The following SLC7A1 variants were observed in gnomAD, a reference collection of about 807,000 sequenced individuals.
The protein encoded by SLC7A1 is high affinity cationic amino acid transporter 1.
A neutral mutation model predicts 53.9 loss-of-function variants in SLC7A1; 10 were observed. That is an observed-to-expected ratio of 0.19 (90% CI 0.11 to 0.31). The LOEUF is 0.31. Among genes scored for constraint, SLC7A1 ranks in the 10% least tolerant of loss-of-function variants. The probability of loss-of-function intolerance (pLI) is 1.00; values close to 1 mark genes in which losing one functional copy is unlikely to be tolerated. For synonymous variants in SLC7A1, 342 were observed against 338.7 expected (o/e 1.01, Z -0.11); for missense variants, 525 against 827.2 (o/e 0.63, Z 4.48).
rs182184911 is a variant in SLC7A1, at chr13:29,536,777, G to A, written c.-14-575C>T. On this transcript the variant is annotated intron_variant, in intron 2 of 12. Transcript: ENST00000380752. Reference sequence around the variant, plus strand: ...GGTAACACAGAGGTAGGTCGAAGCAGAAAAATGTTGAGTTATTACAAGTGA... The same window carrying A: ...GGTAACACAGAGGTAGGTCGAAGCAAAAAAATGTTGAGTTATTACAAGTGA... 8.5e-5 allele frequency among the ~76,000 whole-genome samples: 13 copies of A among 152,338 alleles called. No individual in the cohort carries two copies. In the East Asian group the frequency reaches 2.3e-3, roughly 27 times the overall value.
Position 29,539,381 on chromosome 13 carries a change from C to T in SLC7A1, c.-14-3179G>A, listed in dbSNP as rs1177632631. On this transcript the variant is annotated intron_variant, in intron 2 of 12. Coordinates refer to ENST00000380752, the MANE Select transcript of SLC7A1 (RefSeq NM_003045.5). ...CCATGGAGGTGCGCAGATGCAAAGC[C>T]TATGTGCACACATGCACGTATGTCA... Among the ~76,000 whole-genome samples the T allele has an allele frequency of 3.9e-5, 6 of 152,176 alleles. No individual in the cohort carries two copies. The South Asian group carries it at 8.3e-4, about 21-fold the overall frequency.
In SLC7A1 at chr13:29,509,520, G is replaced by C. The variant is rs1055709822; in HGVS notation, c.*4960C>G. The C allele has an allele frequency of 3.9e-5, 6 of 152,652 alleles. No individual in the cohort carries two copies. Among genetic ancestry groups the C allele is most frequent in the African/African-American group, 1.4e-4 (6 of 41,466 alleles). 9.5% of individuals were successfully genotyped at this position (152,652 alleles called of 1,614,324 possible). The stretch of plus-strand genomic sequence containing the variant: ...TGGTAGGAAGTGGTCAATGTACACA[G>C]TGTTGTCAGCAAAAAGGGGAGGCAG... On this transcript the variant is annotated 3_prime_UTR_variant, in exon 13 of 13. Coordinates refer to ENST00000380752, the MANE Select transcript of SLC7A1 (RefSeq NM_003045.5).
chr13:29,573,074 A>G (rs1325662527), intron 1 of SLC7A1, among the ~76,000 whole-genome samples: 6 of 152,218 alleles, frequency 3.9e-5, no homozygotes, highest in African/African-American at 4.8e-5. Context: ...AAACATGAAA[A>G]ATGTAAATGG....
chr13:29,559,999 G>A (rs1231302607), intron 1 of SLC7A1, among the ~76,000 whole-genome samples: 1 of 152,022 alleles, frequency 6.6e-6, no homozygotes. Context: ...ACAGGCGTGA[G>A]CCATTGCACC....
At position 29,516,401 on chromosome 13, in the gene SLC7A1, C is replaced by G. The variant is rs552016136; in HGVS notation, c.1678-155G>C. ...GGAGTGCCCACCCCCACTCCCACAC[C>G]CCACACACAGCCCGCACCCAAACAC... On this transcript the variant is annotated intron_variant, in intron 11 of 12. Coordinates refer to ENST00000380752, the MANE Select transcript of SLC7A1 (RefSeq NM_003045.5). Among the ~76,000 whole-genome samples, 112 of 152,228 alleles carry G rather than the reference C, an allele frequency of 7.4e-4. 2 individuals carry two copies. Among genetic ancestry groups the G allele is most frequent in the Non-Finnish European group, 6.8e-4 (46 of 68,002 alleles).
chr13:29,553,904 T>A (rs1204789352), intron 1 of SLC7A1, 44 bp from the exon 2 acceptor site: 3 of 151,646 alleles, frequency 2.0e-5, no homozygotes, highest in Admixed American at 2.0e-4. Flanking sequence ...AGTTTCAACC[T>A]CAGAATCTCT....
chr13:29,531,566 C>T (rs564323204), intron 4 of SLC7A1, among the ~76,000 whole-genome samples: 5 of 152,296 alleles, frequency 3.3e-5, no homozygotes, highest in African/African-American at 9.6e-5. Flanking sequence ...TGGCTAGGTG[C>T]GGTCGCTCAC....
intron 1 of SLC7A1, among the ~76,000 whole-genome samples, chr13:29,566,088 T>C (rs1041773862): frequency 1.3e-5 from 2 of 152,314 alleles, no homozygotes; most frequent in South Asian, 4.1e-4. Context: ...GCAGCGATGG[T>C]TGTACAACAA....
intron 2 of SLC7A1, among the ~76,000 whole-genome samples, chr13:29,553,374 G>A (rs987524765): frequency 6.6e-6 from 1 of 152,102 alleles, no homozygotes; most frequent in African/African-American, 2.4e-5. Flanking sequence ...GAGACACAGC[G>A]CCCAATGTCC....
In SLC7A1 at chr13:29,573,423, G is replaced by A. The variant is rs150830396; in HGVS notation, c.-114-19563C>T. 6.3e-3 allele frequency among the ~76,000 whole-genome samples: 957 copies of A among 152,298 alleles called. 10 individuals are homozygous for A. The highest frequency in any genetic ancestry group is 0.022 in the African/African-American group (919 of 41,552). On this transcript the variant is annotated intron_variant, in intron 1 of 12. Transcript: ENST00000380752. ...CGGGGAACACCACACTCTGGCAGCT[G>A]AAGGAGGAAGTAGCACACAGATGAT...
intron 2 of SLC7A1, among the ~76,000 whole-genome samples, chr13:29,547,275 A>G (rs894024593): frequency 5.3e-5 from 8 of 152,180 alleles, no homozygotes; most frequent in African/African-American, 1.9e-4. Flanking sequence ...TCCACTTCCC[A>G]TCCAGCCAGC....
chr13:29,522,415 G>C lies in SLC7A1; in HGVS notation c.1091C>G (p.Ala364Gly), dbSNP rs1280025451. 6.2e-7 allele frequency: 1 copy of C among 1,614,000 alleles called. No homozygotes were observed. Among genetic ancestry groups the C allele is most frequent in the African/African-American group, 1.3e-5 (1 of 74,914 alleles). Residue 364 changes from alanine to glycine, a missense_variant, in exon 8 of 13, where the codon GCC becomes GGC. This residue lies in a region of SLC7A1 where 354 missense variants were observed against 587.5 expected (regional missense o/e 0.60). Coordinates refer to ENST00000380752, the MANE Select transcript of SLC7A1 (RefSeq NM_003045.5). ...SMFPMPRVIY[A>G]MAEDGLLFKF... Reference sequence around the variant, plus strand: ...AAATAGCAGTCCATCCTCAGCCATGGCATAGATAACCCGAGGCATGGGAAA... The same window carrying C: ...AAATAGCAGTCCATCCTCAGCCATGCCATAGATAACCCGAGGCATGGGAAA...
intron 8 of SLC7A1, among the ~76,000 whole-genome samples, chr13:29,519,871 G>A (rs1868547881): frequency 6.6e-6 from 1 of 152,154 alleles, no homozygotes; most frequent in Non-Finnish European, 1.5e-5. Context: ...AAGGTTAGGA[G>A]ACTCATCTAA....
intron 1 of SLC7A1, among the ~76,000 whole-genome samples, chr13:29,576,588 T>C (rs555734942): frequency 1.3e-5 from 2 of 152,332 alleles, no homozygotes; most frequent in East Asian, 3.9e-4. Flanking sequence ...GGACAGGATG[T>C]CTGGGCCATC....
rs774303587 is a variant in SLC7A1 at position 29,524,127 on chromosome 13, C to T, written c.826+5G>A. The T allele has an allele frequency of 5.0e-6, 8 of 1,610,878 alleles. No homozygotes were observed. The South Asian group carries it at 7.7e-5, about 16-fold the overall frequency. ...ACCCGGGACCGCAGTGGCTGGCGGA[C>T]ATACCTGTGGTGGCGATGCAGTCAA... On this transcript the variant is annotated splice_donor_5th_base_variant and intron_variant, in intron 6 of 12. Transcript: ENST00000380752.
At chr13:29,560,424 T>A (rs529247096) in intron 1 of SLC7A1, among the ~76,000 whole-genome samples, 2 of 151,444 alleles carry the variant, frequency 1.3e-5, no homozygotes, top group East Asian at 3.9e-4. Context: ...GTATAGTAAA[T>A]ACCTAGTATT....
chr13:29,576,976 T>A (rs1468615232), intron 1 of SLC7A1, among the ~76,000 whole-genome samples: 1 of 152,232 alleles, frequency 6.6e-6, no homozygotes, highest in Non-Finnish European at 1.5e-5. Context: ...GCCCTGGTCC[T>A]AGCCTGTCAC....
chr13:29,551,492 G>T (rs1414124947), intron 2 of SLC7A1, among the ~76,000 whole-genome samples: 1 of 152,152 alleles, frequency 6.6e-6, no homozygotes, highest in Non-Finnish European at 1.5e-5. Flanking sequence ...TTCAAGACTT[G>T]TGCCCCAACA....
rs765251104 is a variant in SLC7A1, at chr13:29,517,133, GA to G, written c.1677+10del. Reference sequence around the variant, plus strand: ...TGTACCAGGGTTCCTTCCCTAGGCCGAGCTGCTCACCTTAAATGAGAGCTTG... The same window carrying G: ...TGTACCAGGGTTCCTTCCCTAGGCCGGCTGCTCACCTTAAATGAGAGCTTG... On this transcript the variant is annotated intron_variant, in intron 11 of 12. Coordinates refer to ENST00000380752, the MANE Select transcript of SLC7A1 (RefSeq NM_003045.5). 1 of 1,586,996 alleles carries G rather than the reference GA, an allele frequency of 6.3e-7. No homozygotes were observed. Among genetic ancestry groups the G allele is most frequent in the South Asian group, 1.2e-5 (1 of 86,874 alleles).
Sources: allele counts gnomAD v4.1 joint callset (sites outside exome capture counted in the v4.1 genomes callset), GRCh38; gene constraint gnomAD v4.1.1; regional missense constraint gnomAD v4.1.1; transcripts MANE v1.5; gene names NCBI Gene and HGNC (gene_info 2026-07-23, HGNC 2026-07-21).